The following PCDHA5 variants were observed in gnomAD, a reference collection of about 807,000 sequenced individuals.
PCDHA5 encodes the protein protocadherin alpha-5.
In PCDHA5, 43 loss-of-function variants were observed where a neutral mutation model predicts 61.6. The observed-to-expected ratio is 0.70, with a 90% confidence interval of 0.55 to 0.90. The LOEUF is 0.90. Ranked by LOEUF, PCDHA5 falls within the 40% of genes least tolerant of loss-of-function variation. The pLI, the probability that PCDHA5 is intolerant of heterozygous loss-of-function variation, is 0.00. For synonymous variants in PCDHA5, 627 were observed against 543.9 expected (o/e 1.15, Z -2.13); for missense variants, 1,298 against 1,222.7 (o/e 1.06, Z -0.92).
At chr5:140,824,202 T>C in intron 1 of PCDHA5, 75 bp downstream of exon 1, 1 of 1,595,300 alleles carries the variant, frequency 6.3e-7, no homozygotes, top group African/African-American at 1.3e-5. Flanking sequence ...ACCCACTTTT[T>C]TTGTATTTAA....
At chr5:140,857,046 G>T in intron 1 of PCDHA5, 1 of 1,595,844 alleles carries the variant, frequency 6.3e-7, no homozygotes, top group Non-Finnish European at 8.6e-7. Flanking sequence ...GTTGGTCACT[G>T]CACGGTCCTA....
intron 1 of PCDHA5, chr5:140,967,270 C>G (rs782562333): frequency 6.2e-7 from 1 of 1,613,488 alleles, no homozygotes; most frequent in Non-Finnish European, 8.5e-7. Context: ...CGCGCTTTCA[C>G]ATAGAGAGTG....
intron 1 of PCDHA5, among the ~76,000 whole-genome samples, chr5:140,833,628 T>G (rs1343901945): frequency 2.0e-5 from 3 of 152,146 alleles, no homozygotes; most frequent in African/African-American, 7.2e-5. Context: ...GAATACTTCC[T>G]CCTCAAAAAG....
chr5:140,996,705 CTT>C (rs1222604793), intron 3 of PCDHA5, among the ~76,000 whole-genome samples: 3 of 152,108 alleles, frequency 2.0e-5, no homozygotes, highest in African/African-American at 7.2e-5. Flanking sequence ...ACCTCTATCT[CTT>C]TGATTTAATT....
chr5:140,841,732 C>G, intron 1 of PCDHA5: 7 of 1,613,858 alleles, frequency 4.3e-6, no homozygotes, highest in Non-Finnish European at 5.9e-6. Flanking sequence ...GGGTAAAAGA[C>G]CAAAAGCTGT....
intron 3 of PCDHA5, among the ~76,000 whole-genome samples, chr5:140,993,767 G>A (rs115607244): frequency 3.3e-5 from 5 of 152,010 alleles, no homozygotes; most frequent in Non-Finnish European, 7.4e-5. Context: ...TTACAATTGC[G>A]CAGTATTTTG....
intron 1 of PCDHA5, chr5:140,852,049 T>C (rs2042227542): frequency 2.2e-6 from 2 of 915,990 alleles, no homozygotes; most frequent in Non-Finnish European, 2.7e-6. Flanking sequence ...TGTTATGTGG[T>C]TTATATTTTT....
At chr5:140,840,556 G>A (rs1378989097) in intron 1 of PCDHA5, among the ~76,000 whole-genome samples, 4 of 152,028 alleles carry the variant, frequency 2.6e-5, no homozygotes, top group Non-Finnish European at 5.9e-5. Flanking sequence ...TGGCAATACT[G>A]CTAGAGTTTG....
chr5:140,838,373 C>T (rs1280236434), intron 1 of PCDHA5, among the ~76,000 whole-genome samples: 1 of 151,416 alleles, frequency 6.6e-6, no homozygotes, highest in South Asian at 2.1e-4. Context: ...ATCTGACTGC[C>T]TCAGCCTCCC....
At chr5:140,916,760 G>A (rs1387005871) in intron 1 of PCDHA5, among the ~76,000 whole-genome samples, 1 of 152,180 alleles carries the variant, frequency 6.6e-6, no homozygotes, top group Non-Finnish European at 1.5e-5. Context: ...ATTAGGGGAG[G>A]GGTGGCACAA....
intron 3 of PCDHA5, among the ~76,000 whole-genome samples, chr5:140,989,670 C>T (rs907417768): frequency 6.6e-6 from 1 of 152,104 alleles, no homozygotes; most frequent in African/African-American, 2.4e-5. Flanking sequence ...GAAACTCTGC[C>T]CAGATTTCAA....
At chr5:140,936,240 CAT>C (rs1282249217) in intron 1 of PCDHA5, among the ~76,000 whole-genome samples, 3 of 152,152 alleles carry the variant, frequency 2.0e-5, no homozygotes, top group Non-Finnish European at 4.4e-5. Flanking sequence ...TTAAAGAAAA[CAT>C]ATCCTGCTTC....
intron 3 of PCDHA5, among the ~76,000 whole-genome samples, chr5:140,991,449 A>G (rs1405447405): frequency 6.6e-6 from 1 of 152,206 alleles, no homozygotes; most frequent in East Asian, 1.9e-4. Flanking sequence ...GCTTAAAACA[A>G]CACAATGTAT....
At chr5:140,928,194 A>G in intron 1 of PCDHA5, 2 of 1,614,204 alleles carry the variant, frequency 1.2e-6, no homozygotes, top group East Asian at 2.2e-5. Context: ...TCACTGTGTC[A>G]GTTGCTGATG....
intron 1 of PCDHA5, among the ~76,000 whole-genome samples, chr5:140,888,848 CAG>C (rs1554183676): frequency 6.6e-6 from 1 of 151,980 alleles, no homozygotes; most frequent in African/African-American, 2.4e-5. Context: ...AGCCTGGTGA[CAG>C]AGTGAGACCA....
At chr5:140,864,310 A>G (rs2048415201) in intron 1 of PCDHA5, 1 of 152,166 alleles carries the variant, frequency 6.6e-6, no homozygotes, top group African/African-American at 2.4e-5. Flanking sequence ...TACCATGACA[A>G]TATTTAATAT....
rs781871079 is a variant in PCDHA5, at chr5:140,857,427, C to T, written c.2352+33300C>T. 3 of 1,598,334 alleles carry T rather than the reference C, an allele frequency of 1.9e-6. No individual in the cohort carries two copies. In the East Asian group the frequency reaches 6.7e-5, roughly 36 times the overall value. ...CCTGCGTTCGCGCAGTCCGAGTACA[C>T]GGTGTTCGTGAAGGAGAACAACCCG... On this transcript the variant is annotated intron_variant, in intron 1 of 3. Coordinates refer to ENST00000529859, the MANE Select transcript of PCDHA5 (RefSeq NM_018908.3).
At chr5:140,906,248 T>C (rs143429198) in intron 1 of PCDHA5, among the ~76,000 whole-genome samples, 45 of 152,272 alleles carry the variant, frequency 3.0e-4, no homozygotes, top group African/African-American at 1.1e-3. Context: ...CTTGAACCCA[T>C]ACACACCTCC....
At chr5:140,868,157 G>C (rs1380314181) in intron 1 of PCDHA5, 1 of 151,956 alleles carries the variant, frequency 6.6e-6, no homozygotes, top group Non-Finnish European at 1.5e-5. Flanking sequence ...GTTACATAAA[G>C]TGCTAAATTT....
Sources: allele counts gnomAD v4.1 joint callset (sites outside exome capture counted in the v4.1 genomes callset), GRCh38; gene constraint gnomAD v4.1.1; transcripts MANE v1.5; gene names NCBI Gene and HGNC (gene_info 2026-07-23, HGNC 2026-07-21).